ZNF865: variants seen among roughly 807,000 people sequenced by gnomAD.
ZNF865 encodes zinc finger protein 865.
For synonymous variants in ZNF865, 763 were observed against 750.8 expected (o/e 1.02, Z -0.27); for missense variants, 1,311 against 1,593.4 (o/e 0.82, Z 3.02).
rs2123593137 is a variant in ZNF865 at position 55,615,289 on chromosome 19, C to T, written c.1671C>T (p.Arg557=). 3 of 1,526,382 alleles carry T rather than the reference C, an allele frequency of 2.0e-6. No individual in the cohort carries two copies. The highest frequency in any genetic ancestry group is 2.6e-6 in the Non-Finnish European group (3 of 1,143,348). The allele number at this position is 1,526,382 out of a possible 1,614,324, so 94.6% of individuals were successfully genotyped here. The change falls in exon 2 of 2, where the codon CGC becomes CGT. Residue 557 remains arginine (R), a synonymous_variant. Transcript: ENST00000568956. ...CGTTCTGCTGCGGCATCTGCGGGCGCGGCTTCGGGCGCCGCGAGACCCTGA... is the reference window on the plus strand; with the variant it reads ...CGTTCTGCTGCGGCATCTGCGGGCGTGGCTTCGGGCGCCGCGAGACCCTGA... ...GKTFCCGICG[R]GFGRRETLKR...
Position 55,613,796 on chromosome 19 carries a change from T to C in ZNF865, c.178T>C (p.Cys60Arg). The C allele has an allele frequency of 6.6e-7, 1 of 1,525,340 alleles. No individual in the cohort carries two copies. Among genetic ancestry groups the C allele is most frequent in the Non-Finnish European group, 8.8e-7 (1 of 1,141,470 alleles). 94.5% of individuals were successfully genotyped at this position (1,525,340 alleles called of 1,614,324 possible). ...CGCCAAGGCGGTGGCGGCCCTGCCC[T>C]GCGCCCCCGGCCCCCCGCCGCAGCC... The part of the protein sequence containing the change: ...EHAKAVAALP[C>R]APGPPPQPPP... The change falls in exon 2 of 2, where the codon TGC becomes CGC. Residue 60 changes from cysteine (C) to arginine (R), a missense_variant. Coordinates refer to ENST00000568956, the MANE Select transcript of ZNF865 (RefSeq NM_001195605.2).
Position 55,616,145 on chromosome 19 carries a change from C to T in ZNF865, c.2527C>T (p.Arg843Trp). 2 of 1,501,002 alleles carry T rather than the reference C, an allele frequency of 1.3e-6. No homozygotes were observed. The highest frequency in any genetic ancestry group is 1.8e-6 in the Non-Finnish European group (2 of 1,128,108). The allele number at this position is 1,501,002 out of a possible 1,614,324, so 93.0% of individuals were successfully genotyped here. The stretch of plus-strand genomic sequence containing the variant: ...CTTGCTCCTACACCGCCGCAGCCAT[C>T]GGCAGAAGCGGGGTTTCCGCTGCCC... ...YDLLLHRRSH[R>W]QKRGFRCPVC... is the part of the protein sequence containing the mutation. The change falls in exon 2 of 2, where the codon CGG becomes TGG. Residue 843 changes from arginine to tryptophan, a missense_variant. By Grantham distance (101) the Arg-to-Trp change is moderately radical. Transcript: ENST00000568956.
chr19:55,613,560 G>GCCGTGT, intron 1 of ZNF865, 33 bp from the exon 2 acceptor site: 1 of 1,453,282 alleles, frequency 6.9e-7, no homozygotes, highest in Non-Finnish European at 9.0e-7. Flanking sequence ...CAGCGCCGCG[G>GCCGTGT]CCGTGTCCTC....
chr19:55,608,463 T>C (rs899307297), intron 1 of ZNF865, among the ~76,000 whole-genome samples: 7 of 151,994 alleles, frequency 4.6e-5, no homozygotes, highest in Admixed American at 1.3e-4. Flanking sequence ...TACAGGCATG[T>C]GCCACCACGC....
intron 1 of ZNF865, among the ~76,000 whole-genome samples, chr19:55,610,839 G>C (rs1360355755): frequency 6.6e-6 from 1 of 152,192 alleles, no homozygotes; most frequent in East Asian, 1.9e-4. Flanking sequence ...ATGGGGTGGG[G>C]AGTGCTGAGT....
Position 55,615,457 on chromosome 19 carries a change from G to A in ZNF865, c.1839G>A (p.Lys613=), listed in dbSNP as rs775099611. 5.3e-6 allele frequency: 8 copies of A among 1,505,434 alleles called. No individual in the cohort carries two copies. The South Asian group carries it at 6.2e-5, about 12-fold the overall frequency. The allele number at this position is 1,505,434 out of a possible 1,614,324, so 93.3% of individuals were successfully genotyped here. A position where few individuals can be genotyped will look rare whatever the true frequency, so the allele number is the denominator to read the frequency against. The change falls in exon 2 of 2, where the codon AAG becomes AAA. Residue 613 remains lysine (K), a synonymous_variant. Coordinates refer to ENST00000568956, the MANE Select transcript of ZNF865 (RefSeq NM_001195605.2). ...ERPYKCELCG[K]VFGYPQSLTR... ...CCTACAAGTGCGAGCTCTGCGGCAA[G>A]GTCTTCGGCTACCCGCAGAGCCTCA...
intron 1 of ZNF865, among the ~76,000 whole-genome samples, chr19:55,607,848 G>T (rs1045180420): frequency 1.3e-5 from 2 of 152,186 alleles, no homozygotes; most frequent in Non-Finnish European, 2.9e-5. Context: ...ACAGCTTTGA[G>T]CAAATCACTC....
chr19:55,616,994 A>C lies in ZNF865; in HGVS notation c.*196A>C. On this transcript the variant is annotated 3_prime_UTR_variant, in exon 2 of 2. Coordinates refer to ENST00000568956, the MANE Select transcript of ZNF865 (RefSeq NM_001195605.2). ...TCCTCGACCTCTCTGCCCTCCCCTCATCCCATCAGACACTGAACCCTATCC... is the reference window on the plus strand; with the variant it reads ...TCCTCGACCTCTCTGCCCTCCCCTCCTCCCATCAGACACTGAACCCTATCC... 4 of 503,940 alleles carry C rather than the reference A, an allele frequency of 7.9e-6. No individual in the cohort carries two copies. The highest frequency in any genetic ancestry group is 1.3e-5 in the Non-Finnish European group (4 of 300,948). The allele number at this position is 503,940 out of a possible 1,614,324, so 31.2% of individuals were successfully genotyped here.
chr19:55,607,895 C>A (rs544781151), intron 1 of ZNF865, among the ~76,000 whole-genome samples: 17 of 152,234 alleles, frequency 1.1e-4, no homozygotes, highest in African/African-American at 4.1e-4. Context: ...CTTCTTCAAA[C>A]AAAAATGTAT....
In ZNF865 at chr19:55,614,004, C is replaced by T. The variant is rs1380203125; in HGVS notation, c.386C>T (p.Ala129Val). The T allele has an allele frequency of 1.3e-6, 2 of 1,513,296 alleles. No individual in the cohort carries two copies. Among genetic ancestry groups the T allele is most frequent in the Admixed American group, 2.0e-5 (1 of 48,848 alleles). 93.7% of individuals were successfully genotyped at this position (1,513,296 alleles called of 1,614,324 possible). ...AKKPDPPLPP[A>V]FGAPPPPLFD... is the part of the protein sequence containing the mutation. ...AAGCCCGATCCGCCCCTGCCGCCCG[C>T]CTTCGGGGCGCCCCCTCCTCCCCTC... The change falls in exon 2 of 2, where the codon GCC (alanine) becomes GTC (valine). Residue 129 changes from alanine to valine, a missense_variant. Physicochemically the swap from Ala to Val is moderately conservative, Grantham distance 64. Coordinates refer to ENST00000568956, the MANE Select transcript of ZNF865 (RefSeq NM_001195605.2). The surrounding 1 kb of genome is among the most constrained non-coding windows in gnomAD (Gnocchi z 8.0).
At chr19:55,610,131 A>T (rs1448975226) in intron 1 of ZNF865, among the ~76,000 whole-genome samples, 1 of 152,190 alleles carries the variant, frequency 6.6e-6, no homozygotes, top group African/African-American at 2.4e-5. Context: ...CGCTTTGTTC[A>T]TTCCACAAAT....
At chr19:55,606,782 TAC>T (rs151252418) in intron 1 of ZNF865, among the ~76,000 whole-genome samples, 26 of 152,356 alleles carry the variant, frequency 1.7e-4, no homozygotes, top group African/African-American at 5.3e-4. Flanking sequence ...AGGGGGTCGA[TAC>T]ACACAGTGTT....
chr19:55,616,381 G>T lies in ZNF865; in HGVS notation c.2763G>T (p.Glu921Asp). Residue 921 changes from glutamate to aspartate, a missense_variant, in exon 2 of 2, where the codon GAG becomes GAT. Transcript: ENST00000568956. ...KRFAQSSSLAEHRRLHAVARP... is the reference protein window; with the variant it reads ...KRFAQSSSLADHRRLHAVARP... ...TCGCGCAGTCGTCCAGCCTGGCAGA[G>T]CACCGGCGGCTGCACGCTGTGGCCC... 6.6e-7 allele frequency: 1 copy of T among 1,510,624 alleles called. No individual in the cohort carries two copies. The highest frequency in any genetic ancestry group is 2.5e-5 in the East Asian group (1 of 40,356). The allele number at this position is 1,510,624 out of a possible 1,614,324, so 93.6% of individuals were successfully genotyped here. A position where few individuals can be genotyped will look rare whatever the true frequency, so the allele number is the denominator to read the frequency against.
Position 55,611,224 on chromosome 19 carries a change from T to TA in ZNF865, c.-26-2367dup, listed in dbSNP as rs1357390948. Among the ~76,000 whole-genome samples, 4 of 152,160 alleles carry TA rather than the reference T, an allele frequency of 2.6e-5. No individual in the cohort carries two copies. Among genetic ancestry groups the TA allele is most frequent in the Non-Finnish European group, 5.9e-5 (4 of 68,018 alleles). On this transcript the variant is annotated intron_variant, in intron 1 of 1. Transcript: ENST00000568956. The surrounding 1 kb of genome is among the most constrained non-coding windows in gnomAD (Gnocchi z 4.5). ...TGGGGAGTCAGTGAATTAATATGTG[T>TA]AACGTGCTTAGAACCGTGGCGGGCC...
At position 55,616,500 on chromosome 19, in the gene ZNF865, G is replaced by T. The variant is rs1981364982; in HGVS notation, c.2882G>T (p.Arg961Leu). 2 of 1,534,620 alleles carry T rather than the reference G, an allele frequency of 1.3e-6. No individual in the cohort carries two copies. Among genetic ancestry groups the T allele is most frequent in the East Asian group, 2.4e-5 (1 of 40,852 alleles). ...CTGCACCTGGGCGAGCGCGCCTACC[G>T]CTGTGAGCACTGCGGCAAGGGCTTC... The part of the protein sequence containing the change: ...QRLHLGERAY[R>L]CEHCGKGFFY... Residue 961 changes from arginine (R) to leucine (L), a missense_variant, in exon 2 of 2, where the codon CGC becomes CTC. Physicochemically the swap from Arg to Leu is moderately radical, Grantham distance 102 (BLOSUM62 -2). Transcript: ENST00000568956.
chr19:55,615,308 A>T lies in ZNF865; in HGVS notation c.1690A>T (p.Thr564Ser). ...ICGRGFGRRE[T>S]LKRHERIHTG... ...CGGGCGCGGCTTCGGGCGCCGCGAG[A>T]CCCTGAAGCGCCATGAGCGCATCCA... Residue 564 changes from threonine (T) to serine (S), a missense_variant, in exon 2 of 2, where the codon ACC (threonine) becomes TCC (serine). Coordinates refer to ENST00000568956, the MANE Select transcript of ZNF865 (RefSeq NM_001195605.2). 3 of 1,526,224 alleles carry T rather than the reference A, an allele frequency of 2.0e-6. No homozygotes were observed. The highest frequency in any genetic ancestry group is 2.6e-6 in the Non-Finnish European group (3 of 1,143,304). 94.5% of individuals were successfully genotyped at this position (1,526,224 alleles called of 1,614,324 possible).
rs533420490 is a variant in ZNF865, at chr19:55,610,507, T to C, written c.-26-3086T>C. ...AACTCCTAACCTCAGGTGATCCTCC[T>C]GCCTTGGCCTCCCAAAGTGCCGGGA... is the stretch of plus-strand genomic sequence containing the variant. On this transcript the variant is annotated intron_variant, in intron 1 of 1. Transcript: ENST00000568956. Among the ~76,000 whole-genome samples, 3 of 152,306 alleles carry C rather than the reference T, an allele frequency of 2.0e-5. No homozygotes were observed. The East Asian group carries it at 5.8e-4, about 29-fold the overall frequency.
chr19:55,609,742 A>G (rs1436812445), intron 1 of ZNF865, among the ~76,000 whole-genome samples: 1 of 152,136 alleles, frequency 6.6e-6, no homozygotes, highest in African/African-American at 2.4e-5. Context: ...CAAACAATAA[A>G]TGTGAACCGT....
In ZNF865 at chr19:55,614,647, C is replaced by T. The variant is rs1199417137; in HGVS notation, c.1029C>T (p.Thr343=). ...PAGVGVPPPA[T]GGGDGPFACP... ...GTGTTGGGGTGCCCCCTCCTGCCACCGGGGGTGGCGATGGCCCGTTCGCCT... is the reference window on the plus strand; with the variant it reads ...GTGTTGGGGTGCCCCCTCCTGCCACTGGGGGTGGCGATGGCCCGTTCGCCT... Residue 343 remains threonine, a synonymous_variant, in exon 2 of 2, where the codon ACC becomes ACT. Coordinates refer to ENST00000568956, the MANE Select transcript of ZNF865 (RefSeq NM_001195605.2). The surrounding 1 kb of genome is among the most constrained non-coding windows in gnomAD (Gnocchi z 8.0). 1.5e-5 allele frequency: 23 copies of T among 1,536,414 alleles called. No homozygotes were observed. Among genetic ancestry groups the T allele is most frequent in the African/African-American group, 2.8e-5 (2 of 72,712 alleles).
Sources: gnomAD v4.1 joint callset for allele counts (sites outside exome capture counted in the v4.1 genomes callset) on GRCh38, gnomAD v4.1.1 for gene constraint, Gnocchi (gnomAD v3.1) non-coding constraint, MANE v1.5 for transcripts, NCBI Gene and HGNC (gene_info 2026-07-23, HGNC 2026-07-21) for gene names.